The following RMST variants were observed in gnomAD, a reference collection of about 807,000 sequenced individuals.
RMST encodes rhabdomyosarcoma 2 associated transcript.
chr12:97,506,562 G>A (rs1325643127), intron 10 of RMST, among the ~76,000 whole-genome samples: 2 of 150,684 alleles, frequency 1.3e-5, no homozygotes, highest in African/African-American at 4.9e-5. Context: ...ACAAAGTAGA[G>A]AAAATTTAGT....
chr12:97,482,677 T>TAATTTATTTATTTATTTAATAAATAAATA (rs1875493354), intron 5 of RMST, among the ~76,000 whole-genome samples: 10 of 95,734 alleles, frequency 1.0e-4, no homozygotes, highest in African/African-American at 2.9e-4. Flanking sequence ...ATTTAATATT[T>TAATTTATTTATTTATTTAATAAATAAATA]AATTTATTTA....
chr12:97,515,546 T>C (rs1210100467), intron 10 of RMST, among the ~76,000 whole-genome samples: 1 of 152,044 alleles, frequency 6.6e-6, no homozygotes, highest in Non-Finnish European at 1.5e-5. Context: ...CCCCATCACC[T>C]TAGCATTGTA....
intron 10 of RMST, among the ~76,000 whole-genome samples, chr12:97,530,024 G>C (rs545730744): frequency 6.6e-6 from 1 of 151,914 alleles, no homozygotes; most frequent in East Asian, 1.9e-4. Context: ...TAGAGTATTC[G>C]TCTTCATGAA....
At chr12:97,553,540 G>A (rs1434529952) in intron 11 of RMST, among the ~76,000 whole-genome samples, 2 of 152,162 alleles carry the variant, frequency 1.3e-5, no homozygotes. Flanking sequence ...CTAGAAGGTG[G>A]TTGCAGGTTG....
At chr12:97,539,160 A>G (rs1882312201) in intron 11 of RMST, among the ~76,000 whole-genome samples, 1 of 151,622 alleles carries the variant, frequency 6.6e-6, no homozygotes, top group African/African-American at 2.4e-5. Context: ...CTGTCAGAAA[A>G]AAGAATACTG....
chr12:97,520,662 T>C (rs955345812), intron 10 of RMST, among the ~76,000 whole-genome samples: 1 of 152,206 alleles, frequency 6.6e-6, no homozygotes, highest in African/African-American at 2.4e-5. Context: ...TTTTTAATTC[T>C]CTTGCTTTAT....
intron 11 of RMST, chr12:97,530,960 A>T (rs1366088009): frequency 6.6e-6 from 1 of 151,050 alleles, no homozygotes; most frequent in African/African-American, 2.4e-5. Context: ...AATGATTCAG[A>T]AAAAGATCCG....
chr12:97,474,639 A>AAC (rs1426930087), intron 5 of RMST, among the ~76,000 whole-genome samples: 1 of 151,792 alleles, frequency 6.6e-6, no homozygotes, highest in Non-Finnish European at 1.5e-5. Flanking sequence ...AAAAAAAAAA[A>AAC]AAAAAACCTT....
intron 5 of RMST, among the ~76,000 whole-genome samples, chr12:97,488,954 G>A (rs1876444768): frequency 6.6e-6 from 1 of 152,120 alleles, no homozygotes; most frequent in Non-Finnish European, 1.5e-5. Flanking sequence ...TCAGATTATT[G>A]AGAAGTATGC....
chr12:97,499,666 T>C (rs7136095), intron 10 of RMST, among the ~76,000 whole-genome samples: 79,639 of 142,760 alleles, frequency 0.56, 22,783 homozygotes, highest in Middle Eastern at 0.67. Context: ...TCTTTTTTTT[T>C]TTTTTTTGAG....
intron 10 of RMST, among the ~76,000 whole-genome samples, chr12:97,505,629 G>A (rs1315386580): frequency 1.3e-5 from 2 of 152,142 alleles, no homozygotes; most frequent in Non-Finnish European, 2.9e-5. Context: ...GCACATATTT[G>A]CTATTGCATA....
chr12:97,539,746 C>A (rs1181798130), intron 11 of RMST, among the ~76,000 whole-genome samples: 4 of 151,616 alleles, frequency 2.6e-5, no homozygotes, highest in African/African-American at 4.8e-5. Flanking sequence ...TCAGTGATGT[C>A]AAATCGGAAC....
chr12:97,490,755 C>A (rs1161028084), intron 5 of RMST, among the ~76,000 whole-genome samples: 1 of 152,222 alleles, frequency 6.6e-6, no homozygotes, highest in East Asian at 1.9e-4. Flanking sequence ...AACTAGATTT[C>A]TTTTGTTTTA....
intron 10 of RMST, among the ~76,000 whole-genome samples, chr12:97,505,045 G>A (rs1878515106): frequency 6.6e-6 from 1 of 152,104 alleles, no homozygotes. Context: ...TGCTAGTCAT[G>A]GCTTATGAAA....
intron 11 of RMST, among the ~76,000 whole-genome samples, chr12:97,555,847 T>A (rs931758054): frequency 1.3e-5 from 2 of 152,252 alleles, no homozygotes; most frequent in Non-Finnish European, 2.9e-5. Context: ...AATTTCTCAG[T>A]GACTAGAGAT....
chr12:97,527,470 G>A (rs1206317164), intron 10 of RMST, among the ~76,000 whole-genome samples: 1 of 152,178 alleles, frequency 6.6e-6, no homozygotes, highest in African/African-American at 2.4e-5. Flanking sequence ...GTTGGACTTT[G>A]TGGCCACAGG....
At chr12:97,550,281 A>T (rs11109104) in intron 11 of RMST, among the ~76,000 whole-genome samples, 1 of 152,256 alleles carries the variant, frequency 6.6e-6, no homozygotes, top group African/African-American at 2.4e-5. Context: ...AGTCCCAGCT[A>T]CTTGGGAGAC....
In RMST at chr12:97,510,336, A is replaced by G. The variant is rs563420079; in HGVS notation, n.1340+14280A>G. On this transcript the variant is annotated intron_variant and non_coding_transcript_variant, in intron 10 of 13. Coordinates refer to ENST00000640149, the Ensembl canonical transcript of RMST. ...CCAGAGGGGCAGATTAAGCCCACAG[A>G]GAAAATAAGATCTTTGGTTTTCATT... Among the ~76,000 whole-genome samples, 134 of 152,346 alleles carry G rather than the reference A, an allele frequency of 8.8e-4. 2 individuals are homozygous for G. The highest frequency in any genetic ancestry group is 8.7e-3 in the Admixed American group (133 of 15,304).
At chr12:97,499,599 G>T (rs976549296) in intron 10 of RMST, among the ~76,000 whole-genome samples, 2 of 151,230 alleles carry the variant, frequency 1.3e-5, no homozygotes, top group Non-Finnish European at 2.9e-5. Context: ...AAATGATATA[G>T]AGCTTTTTAT....
Sources: gnomAD v4.1 joint callset for allele counts (sites outside exome capture counted in the v4.1 genomes callset) on GRCh38, gnomAD v4.1.1 for gene constraint, MANE v1.5 for transcripts, NCBI Gene and HGNC (gene_info 2026-07-23, HGNC 2026-07-21) for gene names.